Variants in ICA1 observed in about 807,000 individuals in gnomAD.
The protein encoded by ICA1 is islet cell autoantigen 1, also known as 69 kDa islet cell autoantigen.
A neutral mutation model predicts 71.0 loss-of-function variants in ICA1; 40 were observed. The observed-to-expected ratio is 0.56, with a 90% CI of 0.44 to 0.73. The LOEUF (loss-of-function observed/expected upper bound fraction) is 0.73. ICA1 is among the 30% of genes least tolerant of loss of function. The pLI, the probability that ICA1 is intolerant of heterozygous loss-of-function variation, is 0.00. For missense variants in ICA1, 578 were observed against 576.5 expected, an observed-to-expected ratio of 1.00 and a Z score of -0.03; for synonymous variants, 207 against 209.5, an observed-to-expected ratio of 0.99 and a Z score of 0.10.
intron 6 of ICA1, among the ~76,000 whole-genome samples, chr7:8,193,598 A>C (rs534574889): frequency 3.9e-5 from 6 of 152,342 alleles, no homozygotes; most frequent in African/African-American, 1.4e-4. Flanking sequence ...CAAAATCAGT[A>C]AGAAAATGGT....
chr7:8,149,413 T>A (rs1314414421), intron 8 of ICA1, among the ~76,000 whole-genome samples: 1 of 152,242 alleles, frequency 6.6e-6, no homozygotes, highest in East Asian at 1.9e-4. Flanking sequence ...CCATCCATGC[T>A]TAAATGGTTT....
At chr7:8,215,457 G>A (rs977906487) in intron 6 of ICA1, among the ~76,000 whole-genome samples, 1 of 151,882 alleles carries the variant, frequency 6.6e-6, no homozygotes, top group African/African-American at 2.4e-5. Flanking sequence ...AGACACTACT[G>A]TTCACCATGC....
chr7:8,184,924 ATTAG>A (rs1232250240), intron 6 of ICA1, among the ~76,000 whole-genome samples: 1 of 152,130 alleles, frequency 6.6e-6, no homozygotes, highest in African/African-American at 2.4e-5. Flanking sequence ...AAATACAAAA[ATTAG>A]TTAGGCTTGG....
intron 1 of ICA1, among the ~76,000 whole-genome samples, chr7:8,241,030 G>T (rs1803666609): frequency 6.6e-6 from 1 of 152,114 alleles, no homozygotes; most frequent in Non-Finnish European, 1.5e-5. Context: ...ACCTAGCAAG[G>T]CAGGCCAATA....
chr7:8,187,270 G>T (rs1159262414), intron 6 of ICA1, among the ~76,000 whole-genome samples: 1 of 152,100 alleles, frequency 6.6e-6, no homozygotes, highest in East Asian at 1.9e-4. Context: ...TTTCTCTTAG[G>T]CTGCAAACCT....
chr7:8,251,075 A>C (rs1003093662), intron 1 of ICA1, among the ~76,000 whole-genome samples: 1 of 151,778 alleles, frequency 6.6e-6, no homozygotes, highest in East Asian at 1.9e-4. Flanking sequence ...TAATTTTTTT[A>C]TTTTTAGTAA....
Position 8,123,005 on chromosome 7 carries a change from G to A in ICA1, c.1330+4868C>T, listed in dbSNP as rs1041885666. Among the ~76,000 whole-genome samples, 2 of 152,158 alleles carry A rather than the reference G, an allele frequency of 1.3e-5. No homozygotes were observed. The highest frequency in any genetic ancestry group is 2.4e-5 in the African/African-American group (1 of 41,434). ...CTCAGCATTGCCTGTCTCCAGCTCA[G>A]GTGGCCTCTCTGGCTGGCTCTCCTC... On this transcript the variant is annotated intron_variant, in intron 13 of 13. Transcript: ENST00000402384. This position sits in a 1 kb window ranked among gnomAD's most constrained non-coding sequence, Gnocchi z 4.1.
intron 6 of ICA1, among the ~76,000 whole-genome samples, chr7:8,199,103 G>T (rs1206412965): frequency 6.6e-6 from 1 of 152,192 alleles, no homozygotes; most frequent in Non-Finnish European, 1.5e-5. Flanking sequence ...ACAAATTCTG[G>T]CAAGGATGTG....
chr7:8,164,736 G>T (rs7796677), intron 6 of ICA1, among the ~76,000 whole-genome samples: 2 of 152,250 alleles, frequency 1.3e-5, no homozygotes, highest in East Asian at 1.9e-4. Context: ...CCTTTAATAA[G>T]GTGCCACAGG....
intron 6 of ICA1, among the ~76,000 whole-genome samples, chr7:8,195,705 C>A (rs1787235585): frequency 6.6e-6 from 1 of 151,934 alleles, no homozygotes; most frequent in Non-Finnish European, 1.5e-5. Context: ...TCCGGCCGGG[C>A]ACAGTGGCTC....
chr7:8,242,951 G>T (rs538876553), intron 1 of ICA1, among the ~76,000 whole-genome samples: 1 of 152,156 alleles, frequency 6.6e-6, no homozygotes, highest in African/African-American at 2.4e-5. Context: ...AAAAGTCCAG[G>T]ACCAGACGGA....
In ICA1 at chr7:8,194,842, T is replaced by C. The variant is rs1786883769; in HGVS notation, c.579+23463A>G. The stretch of plus-strand genomic sequence containing the variant: ...TTTAAATGTAGGTATTGGGTCTTTT[T>C]CTGTATTAAATCTCCAATCTCCATG... On this transcript the variant is annotated intron_variant, in intron 6 of 13. Transcript: ENST00000402384. 2.6e-5 allele frequency among the ~76,000 whole-genome samples: 4 copies of C among 152,178 alleles called. No homozygotes were observed. The South Asian group carries it at 8.3e-4, about 32-fold the overall frequency.
intron 6 of ICA1, among the ~76,000 whole-genome samples, chr7:8,201,346 A>G (rs1336536087): frequency 6.6e-6 from 1 of 152,220 alleles, no homozygotes; most frequent in African/African-American, 2.4e-5. Flanking sequence ...TTGATCCTAC[A>G]CTTCGTATTA....
chr7:8,247,377 T>C (rs1358408139), intron 1 of ICA1, among the ~76,000 whole-genome samples: 1 of 151,996 alleles, frequency 6.6e-6, no homozygotes, highest in Admixed American at 6.6e-5. Flanking sequence ...GGAGGATCAA[T>C]CGAGCCCAGG....
At chr7:8,251,936 T>C (rs1379087672) in intron 1 of ICA1, among the ~76,000 whole-genome samples, 2 of 152,144 alleles carry the variant, frequency 1.3e-5, no homozygotes, top group Non-Finnish European at 2.9e-5. Flanking sequence ...CAAAGGATGA[T>C]CGATGGTGAA....
intron 1 of ICA1, among the ~76,000 whole-genome samples, chr7:8,255,504 T>A (rs528770627): frequency 1.3e-5 from 2 of 152,274 alleles, no homozygotes; most frequent in South Asian, 2.1e-4. Context: ...ATTAGGTGAT[T>A]TCTCATTAGG....
At chr7:8,239,392 G>A (rs189388936) in intron 1 of ICA1, among the ~76,000 whole-genome samples, 70 of 152,244 alleles carry the variant, frequency 4.6e-4, no homozygotes, top group Non-Finnish European at 6.9e-4. Flanking sequence ...CTCAAATATA[G>A]ATCAGCTCTG....
rs578189543 is a variant in ICA1, at chr7:8,199,786, G to A, written c.579+18519C>T. 2.0e-5 allele frequency among the ~76,000 whole-genome samples: 3 copies of A among 152,276 alleles called. No individual in the cohort carries two copies. In the South Asian group the frequency reaches 6.2e-4, roughly 32 times the overall value. On this transcript the variant is annotated intron_variant, in intron 6 of 13. Coordinates refer to ENST00000402384, the MANE Select transcript of ICA1 (RefSeq NM_001136020.3). The stretch of plus-strand genomic sequence containing the variant: ...CATGGATGGAACTGGAGGTCATTAT[G>A]TTAAGTGAAATAAGCCAGGCACAGA...
At chr7:8,185,758 G>T (rs11981657) in intron 6 of ICA1, among the ~76,000 whole-genome samples, 49,347 of 152,140 alleles carry the variant, frequency 0.32, 9,036 homozygotes, top group African/African-American at 0.5. Context: ...TTAGTAAACA[G>T]AGACACAGTA....
Sources: allele counts gnomAD v4.1 joint callset (sites outside exome capture counted in the v4.1 genomes callset), GRCh38; gene constraint gnomAD v4.1.1; non-coding constraint Gnocchi (gnomAD v3.1); transcripts MANE v1.5; gene names NCBI Gene and HGNC (gene_info 2026-07-23, HGNC 2026-07-21).